The following ALOX12 variants were observed in gnomAD, a reference collection of about 807,000 sequenced individuals.
The protein encoded by ALOX12 is polyunsaturated fatty acid lipoxygenase ALOX12.
A neutral mutation model predicts 85.5 loss-of-function variants in ALOX12; 62 were observed. The observed-to-expected ratio is 0.73, with a 90% CI of 0.59 to 0.90. ALOX12 has a LOEUF of 0.90. Ranked by LOEUF, ALOX12 falls within the 40% of genes least tolerant of loss-of-function variation. The pLI is 0.00. For missense variants in ALOX12, 751 were observed against 856.5 expected (o/e 0.88, Z 1.54); for synonymous variants, 299 against 332.7 (o/e 0.90, Z 1.10).
At chr17:7,005,589 T>C (rs1390988177) in intron 9 of ALOX12, among the ~76,000 whole-genome samples, 1 of 147,392 alleles carries the variant, frequency 6.8e-6, no homozygotes, top group African/African-American at 2.5e-5. Context: ...CAAGCGATTC[T>C]CCTGCCTCAG....
chr17:7,003,712 G>T (rs1258636017), intron 8 of ALOX12, among the ~76,000 whole-genome samples: 1 of 152,188 alleles, frequency 6.6e-6, no homozygotes, highest in African/African-American at 2.4e-5. Context: ...GCAGGCACAT[G>T]CCGCCACACC....
chr17:7,000,606 A>C lies in ALOX12; in HGVS notation c.951+127A>C. The C allele has an allele frequency of 8.7e-7, 1 of 1,146,938 alleles. No homozygotes were observed. The highest frequency in any genetic ancestry group is 2.3e-5 in the Admixed American group (1 of 42,574). The allele number at this position is 1,146,938 out of a possible 1,614,324, so 71.0% of individuals were successfully genotyped here. A position where few individuals can be genotyped will look rare whatever the true frequency, so the allele number is the denominator to read the frequency against. On this transcript the variant is annotated intron_variant, in intron 7 of 13. Transcript: ENST00000251535. The surrounding 1 kb of genome is among the most constrained non-coding windows in gnomAD (Gnocchi z 4.6). ...ACTCAGTGAGACTTGTCTTCATGTC[A>C]CTATTTGCCTGTACCCTCGTCTCCC...
intron 10 of ALOX12, among the ~76,000 whole-genome samples, 184 bp from the exon 11 acceptor site, chr17:7,006,302 G>A (rs769061312): frequency 1.3e-5 from 2 of 152,002 alleles, no homozygotes; most frequent in African/African-American, 4.8e-5. Context: ...GCAACCATGC[G>A]AATTCCTAGA....
In ALOX12 at chr17:7,005,358, G is replaced by A; in HGVS notation, c.1248+15G>A. 1 of 1,599,484 alleles carries A rather than the reference G, an allele frequency of 6.3e-7. No homozygotes were observed. Among genetic ancestry groups the A allele is most frequent in the Non-Finnish European group, 8.6e-7 (1 of 1,166,850 alleles). On this transcript the variant is annotated intron_variant, in intron 9 of 13. Coordinates refer to ENST00000251535, the MANE Select transcript of ALOX12 (RefSeq NM_000697.3). ...TTTTTGATAAGGTGAGGAGGGTACGGGGCATGGGACTGCCTCATCCATCTC... is the reference window on the plus strand; with the variant it reads ...TTTTTGATAAGGTGAGGAGGGTACGAGGCATGGGACTGCCTCATCCATCTC...
rs532692593 is a variant in ALOX12, at chr17:6,998,407, G to A, written c.338-102G>A. On this transcript the variant is annotated intron_variant, in intron 2 of 13. Coordinates refer to ENST00000251535, the MANE Select transcript of ALOX12 (RefSeq NM_000697.3). ...GCCAGAGATAAAAGCAACAGTGCAT[G>A]GCTGAAAACATGGAATACGGCTAAC... is the stretch of plus-strand genomic sequence containing the variant. The A allele has an allele frequency of 3.5e-5, 27 of 775,156 alleles. 1 individual carries two copies. The highest frequency in any genetic ancestry group is 2.7e-4 in the Middle Eastern group (1 of 3,652). 48.0% of individuals were successfully genotyped at this position (775,156 alleles called of 1,614,324 possible). A position where few individuals can be genotyped will look rare whatever the true frequency, so the allele number is the denominator to read the frequency against.
chr17:7,007,966 G>A (rs1470811313), intron 11 of ALOX12, among the ~76,000 whole-genome samples: 3 of 152,212 alleles, frequency 2.0e-5, no homozygotes, highest in South Asian at 2.1e-4. Context: ...TCTGGAGGCT[G>A]AAAGTTCAAG....
chr17:6,996,775 G>A, intron 1 of ALOX12, 51 bp from the exon 2 acceptor site: 1 of 1,557,948 alleles, frequency 6.4e-7, no homozygotes, highest in Non-Finnish European at 8.7e-7. Flanking sequence ...CCTCGAAACG[G>A]CCTCAGTCGG....
chr17:7,010,392 C>T lies in ALOX12; in HGVS notation c.1961C>T (p.Pro654Leu). 6.2e-7 allele frequency: 1 copy of T among 1,614,164 alleles called. No individual in the cohort carries two copies. Among genetic ancestry groups the T allele is most frequent in the Non-Finnish European group, 8.5e-7 (1 of 1,180,038 alleles). ...GACTGGCCCTATGAATATCTGAAGC[C>T]CAGCTGCATAGAGAACAGTGTCACC... ...QLDWPYEYLK[P>L]SCIENSVTI is the part of the protein sequence containing the mutation. The change falls in exon 14 of 14, where the codon CCC becomes CTC. Residue 654 changes from proline (P) to leucine (L), a missense_variant. Transcript: ENST00000251535.
In ALOX12 at chr17:7,006,519, A is replaced by C; in HGVS notation, c.1452A>C (p.Gln484His). The change falls in exon 11 of 14, where the codon CAA (glutamine) becomes CAC (histidine). Residue 484 changes from glutamine to histidine, a missense_variant. By Grantham distance (24) the Gln-to-His change is conservative. Coordinates refer to ENST00000251535, the MANE Select transcript of ALOX12 (RefSeq NM_000697.3). Reference sequence around the variant, plus strand: ...AGGGGATCGTCCACCTCTTCTACCAAAGGGATGACATAGTGAAGGGGGACC... The same window carrying C: ...AGGGGATCGTCCACCTCTTCTACCACAGGGATGACATAGTGAAGGGGGACC... Reference protein sequence around the residue: ...YVEGIVHLFYQRDDIVKGDPE... With the variant: ...YVEGIVHLFYHRDDIVKGDPE... 6.2e-7 allele frequency: 1 copy of C among 1,613,664 alleles called. No homozygotes were observed. The highest frequency in any genetic ancestry group is 8.5e-7 in the Non-Finnish European group (1 of 1,179,846).
intron 11 of ALOX12, among the ~76,000 whole-genome samples, chr17:7,007,942 G>A (rs1023421450): frequency 6.6e-6 from 1 of 152,160 alleles, no homozygotes; most frequent in Non-Finnish European, 1.5e-5. Flanking sequence ...CAACAGAAAT[G>A]TATTCCTCAC....
intron 8 of ALOX12, among the ~76,000 whole-genome samples, chr17:7,004,876 G>A (rs1908957976): frequency 1.3e-5 from 2 of 152,164 alleles, no homozygotes; most frequent in Non-Finnish European, 2.9e-5. Context: ...CAATGAAGCA[G>A]ACAGCTACTA....
chr17:7,004,990 T>C (rs1908964729), intron 8 of ALOX12, among the ~76,000 whole-genome samples: 1 of 152,086 alleles, frequency 6.6e-6, no homozygotes, highest in Non-Finnish European at 1.5e-5. Flanking sequence ...TGTTGACAAA[T>C]GAAGAGATTG....
rs758513309 is a variant in ALOX12 at position 7,010,385 on chromosome 17, C to T, written c.1954C>T (p.Leu652=). The part of the protein sequence containing the change: ...NEQLDWPYEY[L]KPSCIENSVT... ...GCAACTTGACTGGCCCTATGAATAT[C>T]TGAAGCCCAGCTGCATAGAGAACAG... Residue 652 remains leucine, a synonymous_variant, in exon 14 of 14, where the codon CTG becomes TTG. Transcript: ENST00000251535. 8.7e-5 allele frequency: 141 copies of T among 1,614,100 alleles called. No individual in the cohort carries two copies. Among genetic ancestry groups the T allele is most frequent in the Non-Finnish European group, 1.2e-4 (137 of 1,180,062 alleles).
rs56091558 is a variant in ALOX12, at chr17:6,997,555, A to AT, written c.337+548dup. Among the ~76,000 whole-genome samples the AT allele has an allele frequency of 3.7e-3, 382 of 104,284 alleles. 5 individuals carry two copies. Among genetic ancestry groups the AT allele is most frequent in the African/African-American group, 0.012 (342 of 29,058 alleles). The allele number at this position is 104,284 out of a possible 152,430, so 68.4% of individuals were successfully genotyped here. ...GAGGAATGAGGATGGCAAATAGTGA[A>AT]TTTTTTTTTTTTTTTTTTTTGAGAT... On this transcript the variant is annotated intron_variant, in intron 2 of 13. Coordinates refer to ENST00000251535, the MANE Select transcript of ALOX12 (RefSeq NM_000697.3).
chr17:6,998,504 C>T lies in ALOX12; in HGVS notation c.338-5C>T, dbSNP rs1252445586. The T allele has an allele frequency of 1.9e-5, 31 of 1,610,622 alleles. No individual in the cohort carries two copies. The highest frequency in any genetic ancestry group is 2.5e-5 in the Non-Finnish European group (29 of 1,177,654). On this transcript the variant is annotated splice_polypyrimidine_tract_variant and splice_region_variant and intron_variant, in intron 2 of 13. Transcript: ENST00000251535. ...GTGAGGCCAATTGTCTTGATGTCTC[C>T]CCAGCCCGCCTGCCAGGAGACAATG... is the stretch of plus-strand genomic sequence containing the variant.
intron 8 of ALOX12, chr17:7,002,204 T>C (rs758276370): frequency 1.8e-5 from 6 of 333,736 alleles, no homozygotes; most frequent in South Asian, 4.8e-5. Context: ...CAGTATAGTA[T>C]TGATGAAGAA....
intron 13 of ALOX12, 26 bp from the exon 14 acceptor site, chr17:7,010,218 C>G: frequency 6.2e-7 from 1 of 1,605,856 alleles, no homozygotes; most frequent in Non-Finnish European, 8.5e-7. Flanking sequence ...TCTTTAGAAA[C>G]TGACTGATCC....
chr17:7,001,429 G>A, intron 7 of ALOX12, 173 bp from the exon 8 acceptor site: 1 of 668,096 alleles, frequency 1.5e-6, no homozygotes, highest in South Asian at 1.9e-5. Context: ...CCTTCCACCT[G>A]ACATCAGGGC....
chr17:7,000,602 T>C lies in ALOX12; in HGVS notation c.951+123T>C. On this transcript the variant is annotated intron_variant, in intron 7 of 13. Transcript: ENST00000251535. This position sits in a 1 kb window ranked among gnomAD's most constrained non-coding sequence, Gnocchi z 4.6. Reference sequence around the variant, plus strand: ...CCTCACTCAGTGAGACTTGTCTTCATGTCACTATTTGCCTGTACCCTCGTC... The same window carrying C: ...CCTCACTCAGTGAGACTTGTCTTCACGTCACTATTTGCCTGTACCCTCGTC... 8.5e-7 allele frequency: 1 copy of C among 1,179,912 alleles called. No homozygotes were observed. The highest frequency in any genetic ancestry group is 1.5e-5 in the African/African-American group (1 of 65,540). The allele number at this position is 1,179,912 out of a possible 1,614,324, so 73.1% of individuals were successfully genotyped here.
Sources: allele counts gnomAD v4.1 joint callset (sites outside exome capture counted in the v4.1 genomes callset), GRCh38; gene constraint gnomAD v4.1.1; non-coding constraint Gnocchi (gnomAD v3.1); transcripts MANE v1.5; gene names NCBI Gene and HGNC (gene_info 2026-07-23, HGNC 2026-07-21).